Variants in MAFA observed in about 807,000 individuals in gnomAD.
MAFA encodes the protein MAF bZIP transcription factor A, also known as transcription factor MafA.
For synonymous variants in MAFA, 244 were observed against 260.3 expected (o/e 0.94, Z 0.60); for missense variants, 547 against 538.0 (o/e 1.02, Z -0.16).
chr8:143,429,018 A>C lies in MAFA; in HGVS notation c.*327T>G. On this transcript the variant is annotated 3_prime_UTR_variant, in exon 1 of 1. Coordinates refer to ENST00000333480, the MANE Select transcript of MAFA (RefSeq NM_201589.4). This position sits in a 1 kb window ranked among gnomAD's most constrained non-coding sequence, Gnocchi z 5.9. ...GAAGGGACGGCAGCGCGGTCCCTCTAGGCTGGCAGGGCGAAGGTGGGAACG... is the reference window on the plus strand; with the variant it reads ...GAAGGGACGGCAGCGCGGTCCCTCTCGGCTGGCAGGGCGAAGGTGGGAACG... 2 of 197,560 alleles carry C rather than the reference A, an allele frequency of 1.0e-5. No homozygotes were observed. Among genetic ancestry groups the C allele is most frequent in the East Asian group, 1.2e-4 (1 of 8,602 alleles). The allele number at this position is 197,560 out of a possible 1,614,324, so 12.2% of individuals were successfully genotyped here.
Position 143,429,659 on chromosome 8 carries a change from C to G in MAFA, c.748G>C (p.Glu250Gln). The G allele has an allele frequency of 6.3e-7, 1 of 1,585,272 alleles. No individual in the cohort carries two copies. The highest frequency in any genetic ancestry group is 8.5e-7 in the Non-Finnish European group (1 of 1,172,790). Residue 250 changes from glutamate to glutamine, a missense_variant, in exon 1 of 1, where the codon GAG becomes CAG. Coordinates refer to ENST00000333480, the MANE Select transcript of MAFA (RefSeq NM_201589.4). This position sits in a 1 kb window ranked among gnomAD's most constrained non-coding sequence, Gnocchi z 5.9. ...TTCTGCTTGAGCCGGATGACCTCCT[C>G]CTTGCTGAAGCCGCGGAGCTGCCGG... ...LNRQLRGFSK[E>Q]EVIRLKQKRR...
chr8:143,428,982 G>A lies in MAFA; in HGVS notation c.*363C>T, dbSNP rs1486487503. On this transcript the variant is annotated 3_prime_UTR_variant, in exon 1 of 1. Transcript: ENST00000333480. ...AACGAAGGAGGGCGGGGGCAGGCAG[G>A]GGCCACCCGGGAAGGGACGGCAGCG... 3 of 181,716 alleles carry A rather than the reference G, an allele frequency of 1.7e-5. No individual in the cohort carries two copies. The highest frequency in any genetic ancestry group is 3.4e-5 in the Non-Finnish European group (3 of 88,036). 11.3% of individuals were successfully genotyped at this position (181,716 alleles called of 1,614,324 possible).
rs757003114 is a variant in MAFA, at chr8:143,430,165, G to GCGCCGC, written c.236_241dup (p.Gly79_Gly80dup). On this transcript the variant is annotated inframe_insertion, in exon 1 of 1. Coordinates refer to ENST00000333480, the MANE Select transcript of MAFA (RefSeq NM_201589.4). ...CTGAGACGAGCCGCCGCCGCCCCCC[G>GCGCCGC]CGCCGCCGCCGCCGCCGGTGCCCGG... is the stretch of plus-strand genomic sequence containing the variant. 1.8e-6 allele frequency: 2 copies of GCGCCGC among 1,105,376 alleles called. No individual in the cohort carries two copies. Among genetic ancestry groups the GCGCCGC allele is most frequent in the African/African-American group, 1.7e-5 (1 of 57,794 alleles). 68.5% of individuals were successfully genotyped at this position (1,105,376 alleles called of 1,614,324 possible).
rs903390598 is a variant in MAFA, at chr8:143,428,251, C to T, written c.*1094G>A. On this transcript the variant is annotated 3_prime_UTR_variant, in exon 1 of 1. Coordinates refer to ENST00000333480, the MANE Select transcript of MAFA (RefSeq NM_201589.4). Reference sequence around the variant, plus strand: ...CCCACTGATGGCCCCTGAGGGCCTCCGAAAACGGGCAGATCCCCCAGGCGC... The same window carrying T: ...CCCACTGATGGCCCCTGAGGGCCTCTGAAAACGGGCAGATCCCCCAGGCGC... 2 of 152,126 alleles carry T rather than the reference C, an allele frequency of 1.3e-5. No individual in the cohort carries two copies. Among genetic ancestry groups the T allele is most frequent in the African/African-American group, 4.8e-5 (2 of 41,420 alleles). The allele number at this position is 152,126 out of a possible 1,614,324, so 9.4% of individuals were successfully genotyped here. A position where few individuals can be genotyped will look rare whatever the true frequency, so the allele number is the denominator to read the frequency against.
Position 143,429,600 on chromosome 8 carries a change from C to A in MAFA, c.807G>T (p.Gln269His), listed in dbSNP as rs376902337. 9 of 1,601,106 alleles carry A rather than the reference C, an allele frequency of 5.6e-6. No individual in the cohort carries two copies. The highest frequency in any genetic ancestry group is 7.6e-6 in the Non-Finnish European group (9 of 1,178,882). The change falls in exon 1 of 1, where the codon CAG becomes CAT. Residue 269 changes from glutamine (Q) to histidine (H), a missense_variant. Transcript: ENST00000333480. This position sits in a 1 kb window ranked among gnomAD's most constrained non-coding sequence, Gnocchi z 5.9. ...RRTLKNRGYA[Q>H]SCRFKRVQQR... ...GCTGCACCCGCTTGAAGCGGCAGGA[C>A]TGCGCGTAGCCGCGGTTCTTGAGCG...
rs765040852 is a variant in MAFA, at chr8:143,430,022, C to G, written c.385G>C (p.Glu129Gln). ...TCCTCGGGCGTCAGGTTGAGCGCCT[C>G]GGGGTTGAGGTGATGCTGGTAGCCG... Reference protein sequence around the residue: ...MSGYQHHLNPEALNLTPEDAV... With the variant: ...MSGYQHHLNPQALNLTPEDAV... The change falls in exon 1 of 1, where the codon GAG becomes CAG. Residue 129 changes from glutamate (E) to glutamine (Q), a missense_variant. By Grantham distance (29) the Glu-to-Gln change is conservative. Coordinates refer to ENST00000333480, the MANE Select transcript of MAFA (RefSeq NM_201589.4). 18 of 1,375,366 alleles carry G rather than the reference C, an allele frequency of 1.3e-5. No homozygotes were observed. The African/African-American group carries it at 2.7e-4, about 21-fold the overall frequency. 85.2% of individuals were successfully genotyped at this position (1,375,366 alleles called of 1,614,324 possible).
rs761300888 is a variant in MAFA, at chr8:143,428,217, G to C, written c.*1128C>G. On this transcript the variant is annotated 3_prime_UTR_variant, in exon 1 of 1. Coordinates refer to ENST00000333480, the MANE Select transcript of MAFA (RefSeq NM_201589.4). ...AGTGCTCAGGGGAGGGGTGTGGAGC[G>C]GCTGGAATCCCACTGATGGCCCCTG... The C allele has an allele frequency of 1.3e-5, 2 of 152,144 alleles. No homozygotes were observed. The highest frequency in any genetic ancestry group is 2.1e-4 in the South Asian group (1 of 4,822). The allele number at this position is 152,144 out of a possible 1,614,324, so 9.4% of individuals were successfully genotyped here.
rs2129753266 is a variant in MAFA at position 143,428,930 on chromosome 8, AG to A, written c.*414del. On this transcript the variant is annotated 3_prime_UTR_variant, in exon 1 of 1. Coordinates refer to ENST00000333480, the MANE Select transcript of MAFA (RefSeq NM_201589.4). The stretch of plus-strand genomic sequence containing the variant: ...TAAAACGGGGAGGGGAAGTTAAAAA[AG>A]GCAAGGAAAGGGAGGCTGAGAAGAG... The A allele has an allele frequency of 6.3e-6, 1 of 158,782 alleles. No individual in the cohort carries two copies. The highest frequency in any genetic ancestry group is 2.4e-5 in the African/African-American group (1 of 41,740). The allele number at this position is 158,782 out of a possible 1,614,324, so 9.8% of individuals were successfully genotyped here. A position where few individuals can be genotyped will look rare whatever the true frequency, so the allele number is the denominator to read the frequency against.
chr8:143,429,572 G>C lies in MAFA; in HGVS notation c.835C>G (p.Arg279Gly). The C allele has an allele frequency of 1.2e-6, 2 of 1,603,876 alleles. No individual in the cohort carries two copies. The highest frequency in any genetic ancestry group is 8.5e-7 in the Non-Finnish European group (1 of 1,179,424). The part of the protein sequence containing the change: ...QSCRFKRVQQ[R>G]HILESEKCQL... ...CACTTCTCGCTCTCCAGAATGTGCCGCTGCTGCACCCGCTTGAAGCGGCAG... is the reference window on the plus strand; with the variant it reads ...CACTTCTCGCTCTCCAGAATGTGCCCCTGCTGCACCCGCTTGAAGCGGCAG... The change falls in exon 1 of 1, where the codon CGG becomes GGG. Residue 279 changes from arginine to glycine, a missense_variant. By Grantham distance (125) the Arg-to-Gly change is moderately radical. Transcript: ENST00000333480. This position sits in a 1 kb window ranked among gnomAD's most constrained non-coding sequence, Gnocchi z 5.9.
rs937552311 is a variant in MAFA, at chr8:143,430,132, C to T, written c.275G>A (p.Gly92Asp). Residue 92 changes from glycine to aspartate, a missense_variant, in exon 1 of 1, where the codon GGC (glycine) becomes GAC (aspartate). Coordinates refer to ENST00000333480, the MANE Select transcript of MAFA (RefSeq NM_201589.4). ...GCCCCCGCTCGGCGGCCCGGGGGCG[C>T]CCCCGGCCTGAGACGAGCCGCCGCC... ...GGGGGSSQAG[G>D]APGPPSGGPG... is the part of the protein sequence containing the mutation. 6.4e-6 allele frequency: 7 copies of T among 1,096,442 alleles called. No individual in the cohort carries two copies. In the African/African-American group the frequency reaches 7.0e-5, roughly 11 times the overall value. The allele number at this position is 1,096,442 out of a possible 1,614,324, so 67.9% of individuals were successfully genotyped here.
At position 143,430,043 on chromosome 8, in the gene MAFA, A is replaced by G; in HGVS notation, c.364T>C (p.Tyr122His). ...ALEDLYWMSG[Y>H]QHHLNPEALN... is the part of the protein sequence containing the mutation. ...GCCTCGGGGTTGAGGTGATGCTGGT[A>G]GCCGCTCATCCAGTACAGATCCTCC... The change falls in exon 1 of 1, where the codon TAC becomes CAC. Residue 122 changes from tyrosine (Y) to histidine (H), a missense_variant. Transcript: ENST00000333480. 2.9e-6 allele frequency: 4 copies of G among 1,363,466 alleles called. No individual in the cohort carries two copies. Among genetic ancestry groups the G allele is most frequent in the Non-Finnish European group, 3.8e-6 (4 of 1,047,508 alleles). The allele number at this position is 1,363,466 out of a possible 1,614,324, so 84.5% of individuals were successfully genotyped here. A position where few individuals can be genotyped will look rare whatever the true frequency, so the allele number is the denominator to read the frequency against.
chr8:143,429,656 C>T lies in MAFA; in HGVS notation c.751G>A (p.Glu251Lys). 6.3e-7 allele frequency: 1 copy of T among 1,586,200 alleles called. No homozygotes were observed. The highest frequency in any genetic ancestry group is 8.5e-7 in the Non-Finnish European group (1 of 1,173,212). ...CGCTTCTGCTTGAGCCGGATGACCT[C>T]CTCCTTGCTGAAGCCGCGGAGCTGC... ...NRQLRGFSKE[E>K]VIRLKQKRRT... Residue 251 changes from glutamate (E) to lysine (K), a missense_variant, in exon 1 of 1, where the codon GAG (glutamate) becomes AAG (lysine). By Grantham distance (56) the Glu-to-Lys change is moderately conservative (BLOSUM62 1). Transcript: ENST00000333480. This position sits in a 1 kb window ranked among gnomAD's most constrained non-coding sequence, Gnocchi z 5.9.
In MAFA at chr8:143,429,645, C is replaced by G; in HGVS notation, c.762G>C (p.Arg254=). 1 of 1,588,642 alleles carries G rather than the reference C, an allele frequency of 6.3e-7. No homozygotes were observed. Among genetic ancestry groups the G allele is most frequent in the South Asian group, 1.1e-5 (1 of 89,026 alleles). Residue 254 remains arginine (R), a synonymous_variant, in exon 1 of 1, where the codon CGG becomes CGC. Transcript: ENST00000333480. The surrounding 1 kb of genome is among the most constrained non-coding windows in gnomAD (Gnocchi z 5.9). The part of the protein sequence containing the change: ...LRGFSKEEVI[R]LKQKRRTLKN... Reference sequence around the variant, plus strand: ...TGAGCGTGCGCCGCTTCTGCTTGAGCCGGATGACCTCCTCCTTGCTGAAGC... The same window carrying G: ...TGAGCGTGCGCCGCTTCTGCTTGAGGCGGATGACCTCCTCCTTGCTGAAGC...
At position 143,430,075 on chromosome 8, in the gene MAFA, G is replaced by T; in HGVS notation, c.332C>A (p.Pro111Gln). The change falls in exon 1 of 1, where the codon CCG (proline) becomes CAG (glutamine). Residue 111 changes from proline to glutamine, a missense_variant. Pro to Gln is a moderately conservative substitution (Grantham distance 76, BLOSUM62 -1). Transcript: ENST00000333480. ...PGAVGGTSGKPALEDLYWMSG... is the reference protein window; with the variant it reads ...PGAVGGTSGKQALEDLYWMSG... The stretch of plus-strand genomic sequence containing the variant: ...CATCCAGTACAGATCCTCCAGCGCC[G>T]GCTTCCCCGAGGTGCCCCCGACGGC... 8.1e-7 allele frequency: 1 copy of T among 1,241,696 alleles called. No homozygotes were observed. Among genetic ancestry groups the T allele is most frequent in the Non-Finnish European group, 1.0e-6 (1 of 982,930 alleles). 76.9% of individuals were successfully genotyped at this position (1,241,696 alleles called of 1,614,324 possible).
Position 143,428,816 on chromosome 8 carries a change from G to A in MAFA, c.*529C>T, listed in dbSNP as rs550245891. On this transcript the variant is annotated 3_prime_UTR_variant, in exon 1 of 1. Coordinates refer to ENST00000333480, the MANE Select transcript of MAFA (RefSeq NM_201589.4). Reference sequence around the variant, plus strand: ...TGACTCGCGACTGAGGGCGGACCCCGGCTGGGGAAAGAAGGGGCTTCCTCC... The same window carrying A: ...TGACTCGCGACTGAGGGCGGACCCCAGCTGGGGAAAGAAGGGGCTTCCTCC... The A allele has an allele frequency of 6.6e-6, 1 of 152,122 alleles. No homozygotes were observed. The highest frequency in any genetic ancestry group is 2.1e-4 in the South Asian group (1 of 4,812). 9.4% of individuals were successfully genotyped at this position (152,122 alleles called of 1,614,324 possible).
rs745755397 is a variant in MAFA, at chr8:143,429,419, C to G, written c.988G>C (p.Gly330Arg). The G allele has an allele frequency of 1.3e-6, 2 of 1,520,588 alleles. No homozygotes were observed. The highest frequency in any genetic ancestry group is 1.7e-6 in the Non-Finnish European group (2 of 1,144,144). 94.2% of individuals were successfully genotyped at this position (1,520,588 alleles called of 1,614,324 possible). Residue 330 changes from glycine to arginine, a missense_variant, in exon 1 of 1, where the codon GGT (glycine) becomes CGT (arginine). By Grantham distance (125) the Gly-to-Arg change is moderately radical. Coordinates refer to ENST00000333480, the MANE Select transcript of MAFA (RefSeq NM_201589.4). This position sits in a 1 kb window ranked among gnomAD's most constrained non-coding sequence, Gnocchi z 5.9. ...RGGPGSAGGA[G>R]FPREPSPPQA... ...GGCGGCGAAGGCTCCCGCGGGAAAC[C>G]GGCCCCGCCCGCGCTCCCGGGGCCG... is the stretch of plus-strand genomic sequence containing the variant.
rs772143913 is a variant in MAFA at position 143,430,413 on chromosome 8, G to T, written c.-7C>A. 1 of 1,256,506 alleles carries T rather than the reference G, an allele frequency of 8.0e-7. No homozygotes were observed. The highest frequency in any genetic ancestry group is 1.0e-6 in the Non-Finnish European group (1 of 988,560). The allele number at this position is 1,256,506 out of a possible 1,614,324, so 77.8% of individuals were successfully genotyped here. On this transcript the variant is annotated 5_prime_UTR_variant, in exon 1 of 1. Coordinates refer to ENST00000333480, the MANE Select transcript of MAFA (RefSeq NM_201589.4). ...TCGCCAGCTCCGCGGCCATCGCCCG[G>T]GGCCCGCGCCCGGCCGCGCCCCGAC...
chr8:143,430,298 C>A lies in MAFA; in HGVS notation c.109G>T (p.Glu37Ter). 6.9e-7 allele frequency: 1 copy of A among 1,447,650 alleles called. No individual in the cohort carries two copies. Among genetic ancestry groups the A allele is most frequent in the Non-Finnish European group, 9.2e-7 (1 of 1,085,552 alleles). The allele number at this position is 1,447,650 out of a possible 1,614,324, so 89.7% of individuals were successfully genotyped here. The change falls in exon 1 of 1, where the codon GAG becomes TAG. Residue 37 changes from glutamate (E) to a stop codon, truncating the protein, a stop_gained. Coordinates refer to ENST00000333480, the MANE Select transcript of MAFA (RefSeq NM_201589.4). LOFTEE classifies it low-confidence loss of function (END_TRUNC). ...AGGCGGTGGCAGAAGCGCTCGGCCT[C>A]GGGAGGCTCCTTCTTCACCTCGAAC... is the stretch of plus-strand genomic sequence containing the variant. Reference protein sequence around the residue: ...MKFEVKKEPPEAERFCHRLPP... With the variant: ...MKFEVKKEPP
Position 143,430,314 on chromosome 8 carries a change from C to T in MAFA, c.93G>A (p.Val31=). ...GCTCGGCCTCGGGAGGCTCCTTCTTCACCTCGAACTTCATCAGGTCGAAGT... is the reference window on the plus strand; with the variant it reads ...GCTCGGCCTCGGGAGGCTCCTTCTTTACCTCGAACTTCATCAGGTCGAAGT... The part of the protein sequence containing the change: ...VNDFDLMKFE[V]KKEPPEAERF... The change falls in exon 1 of 1, where the codon GTG becomes GTA. Residue 31 remains valine, a synonymous_variant. Coordinates refer to ENST00000333480, the MANE Select transcript of MAFA (RefSeq NM_201589.4). 2 of 1,451,560 alleles carry T rather than the reference C, an allele frequency of 1.4e-6. No individual in the cohort carries two copies. The highest frequency in any genetic ancestry group is 1.8e-6 in the Non-Finnish European group (2 of 1,087,292). The allele number at this position is 1,451,560 out of a possible 1,614,324, so 89.9% of individuals were successfully genotyped here.
Sources: gnomAD v4.1 joint callset for allele counts on GRCh38, gnomAD v4.1.1 for gene constraint, Gnocchi (gnomAD v3.1) non-coding constraint, MANE v1.5 for transcripts, NCBI Gene and HGNC (gene_info 2026-07-23, HGNC 2026-07-21) for gene names.